Variants in INPP5F observed in about 807,000 individuals in gnomAD.
INPP5F encodes the protein inositol polyphosphate-5-phosphatase F.
Under a neutral mutation model 137.2 loss-of-function variants are expected in INPP5F, and 97 were observed. The observed-to-expected ratio is 0.71, with a 90% confidence interval of 0.60 to 0.84. The LOEUF (loss-of-function observed/expected upper bound fraction) is 0.84, where lower values mean the gene tolerates loss of function less well. Among genes scored for constraint, INPP5F ranks in the 40% least tolerant of loss-of-function variants. The pLI is 0.00. For missense variants in INPP5F, 1,271 were observed against 1,371.9 expected (o/e 0.93, Z 1.16); for synonymous variants, 504 against 476.9 (o/e 1.06, Z -0.74).
intron 1 of INPP5F, among the ~76,000 whole-genome samples, chr10:119,749,215 T>C (rs952785882): frequency 3.9e-5 from 6 of 152,132 alleles, no homozygotes; most frequent in African/African-American, 1.4e-4. Context: ...AGTACAGGAA[T>C]GCCCAGGTCT....
intron 6 of INPP5F, among the ~76,000 whole-genome samples, chr10:119,792,692 T>G (rs1850190722): frequency 6.6e-6 from 1 of 151,778 alleles, no homozygotes; most frequent in African/African-American, 2.4e-5. Flanking sequence ...ATACAGAATA[T>G]GATGAGATTA....
intron 2 of INPP5F, among the ~76,000 whole-genome samples, chr10:119,771,095 T>C (rs1242625009): frequency 6.6e-6 from 1 of 152,142 alleles, no homozygotes; most frequent in Non-Finnish European, 1.5e-5. Context: ...TGGCCAGTTA[T>C]TTCTCATTAC....
chr10:119,825,181 T>C (rs1177000291), intron 19 of INPP5F, among the ~76,000 whole-genome samples: 1 of 152,232 alleles, frequency 6.6e-6, no homozygotes, highest in Non-Finnish European at 1.5e-5. Flanking sequence ...CATTTTTTCC[T>C]TTTATAAAGA....
At position 119,810,100 on chromosome 10, in the gene INPP5F, G is replaced by C; in HGVS notation, c.1570G>C (p.Gly524Arg). The change falls in exon 14 of 20, where the codon GGT becomes CGT. Residue 524 changes from glycine to arginine, a missense_variant and splice_region_variant. By Grantham distance (125) the Gly-to-Arg change is moderately radical. Transcript: ENST00000650623. ...RQYAGTAALK[G>R]DFTRTGERKL... ...GTCAAAATCAGTTTTTGTTTGACAG[G>C]GTGACTTTACAAGGACAGGAGAAAG... 1.3e-6 allele frequency: 2 copies of C among 1,589,830 alleles called. No homozygotes were observed. Among genetic ancestry groups the C allele is most frequent in the Non-Finnish European group, 1.7e-6 (2 of 1,159,894 alleles).
chr10:119,778,300 A>T (rs1036649726), intron 2 of INPP5F, among the ~76,000 whole-genome samples: 2 of 152,072 alleles, frequency 1.3e-5, no homozygotes, highest in African/African-American at 4.8e-5. Flanking sequence ...GAGCCACTGC[A>T]CCCAGCCTAT....
intron 1 of INPP5F, among the ~76,000 whole-genome samples, chr10:119,742,225 A>G (rs1848396996): frequency 6.6e-6 from 1 of 151,572 alleles, no homozygotes; most frequent in African/African-American, 2.4e-5. Context: ...GCGCGATCTC[A>G]GCTCACTGCA....
chr10:119,764,993 C>T (rs919013584), intron 2 of INPP5F, among the ~76,000 whole-genome samples: 1 of 151,718 alleles, frequency 6.6e-6, no homozygotes, highest in Non-Finnish European at 1.5e-5. Flanking sequence ...AGTGCAGTGG[C>T]ACGATCTCAG....
At chr10:119,732,176 C>T (rs1290852900) in intron 1 of INPP5F, among the ~76,000 whole-genome samples, 2 of 151,832 alleles carry the variant, frequency 1.3e-5, no homozygotes, top group African/African-American at 2.4e-5. Flanking sequence ...GCTGGGACTA[C>T]AGGCGCCTGC....
At chr10:119,808,498 C>G (rs563979995) in intron 13 of INPP5F, among the ~76,000 whole-genome samples, 8 of 152,334 alleles carry the variant, frequency 5.3e-5, no homozygotes, top group Admixed American at 1.3e-4. Context: ...TAACCACTCT[C>G]ATTTGTCACA....
intron 2 of INPP5F, among the ~76,000 whole-genome samples, chr10:119,773,683 C>T (rs935681832): frequency 6.6e-6 from 1 of 151,916 alleles, no homozygotes; most frequent in Non-Finnish European, 1.5e-5. Context: ...TTTTAATTAC[C>T]ATGCTTTTTT....
Position 119,826,788 on chromosome 10 carries a change from C to T in INPP5F, c.2407C>T (p.Leu803=). The T allele has an allele frequency of 6.2e-7, 1 of 1,613,772 alleles. No homozygotes were observed. Among genetic ancestry groups the T allele is most frequent in the Non-Finnish European group, 8.5e-7 (1 of 1,179,944 alleles). ...TGTAAATATTGGCAACCTCCGAAAG[C>T]TAGGAAACTTTACCAAACCTGAAAT... ...SNVNIGNLRK[L]GNFTKPEMKV... Residue 803 remains leucine, a synonymous_variant, in exon 20 of 20, where the codon CTA becomes TTA. Coordinates refer to ENST00000650623, the MANE Select transcript of INPP5F (RefSeq NM_014937.4).
chr10:119,764,145 G>C (rs1429688023), intron 2 of INPP5F, among the ~76,000 whole-genome samples: 1 of 152,100 alleles, frequency 6.6e-6, no homozygotes, highest in African/African-American at 2.4e-5. Context: ...GGTTCACACA[G>C]GGCAGTGTAG....
At chr10:119,774,401 A>G (rs1280162083) in intron 2 of INPP5F, among the ~76,000 whole-genome samples, 13 of 151,866 alleles carry the variant, frequency 8.6e-5, no homozygotes, top group African/African-American at 3.1e-4. Context: ...TGGTGCTTTC[A>G]TGTATTTATT....
At chr10:119,750,740 T>G (rs1387454896) in intron 1 of INPP5F, among the ~76,000 whole-genome samples, 1 of 152,218 alleles carries the variant, frequency 6.6e-6, no homozygotes, top group African/African-American at 2.4e-5. Flanking sequence ...GATCCTGTGC[T>G]GTAGGACCAC....
chr10:119,735,313 C>G (rs563346341), intron 1 of INPP5F, among the ~76,000 whole-genome samples: 1 of 152,118 alleles, frequency 6.6e-6, no homozygotes, highest in South Asian at 2.1e-4. Context: ...CAAGTTTACC[C>G]TTGCATTTTT....
intron 15 of INPP5F, among the ~76,000 whole-genome samples, chr10:119,812,911 T>C (rs1589745537): frequency 6.7e-6 from 1 of 148,978 alleles, no homozygotes; most frequent in Middle Eastern, 3.5e-3. Flanking sequence ...CAACTTAATA[T>C]AGCACCAAAA....
chr10:119,812,917 C>CG (rs1851100904), intron 15 of INPP5F, among the ~76,000 whole-genome samples: 1 of 130,894 alleles, frequency 7.6e-6, no homozygotes, highest in Non-Finnish European at 1.7e-5. Flanking sequence ...AATATAGCAC[C>CG]AAAAAAAAAA....
intron 9 of INPP5F, 102 bp downstream of exon 9, chr10:119,798,712 T>C: frequency 1.4e-6 from 1 of 692,032 alleles, no homozygotes; most frequent in Non-Finnish European, 2.3e-6. Context: ...AATTAAAGCA[T>C]TTGTCATGAA....
chr10:119,795,179 C>G (rs1162499522), intron 6 of INPP5F, among the ~76,000 whole-genome samples: 4 of 148,618 alleles, frequency 2.7e-5, no homozygotes, highest in Non-Finnish European at 6.0e-5. Flanking sequence ...GGCAGAGGGG[C>G]TCCTCACTTC....
Sources: gnomAD v4.1 joint callset for allele counts (sites outside exome capture counted in the v4.1 genomes callset) on GRCh38, gnomAD v4.1.1 for gene constraint, MANE v1.5 for transcripts, NCBI Gene and HGNC (gene_info 2026-07-23, HGNC 2026-07-21) for gene names.